CPEB3: variants seen among roughly 807,000 people sequenced by gnomAD.
The protein encoded by CPEB3 is cytoplasmic polyadenylation element binding protein 3, also known as cytoplasmic polyadenylation element-binding protein 3.
In CPEB3, 20 loss-of-function variants were observed where a neutral mutation model predicts 67.2. The observed-to-expected ratio is 0.30, with a 90% CI of 0.21 to 0.43. CPEB3 has a LOEUF of 0.43. CPEB3 is among the 20% of genes least tolerant of loss of function. The pLI is 1.00. For missense variants in CPEB3, 746 were observed against 968.6 expected (o/e 0.77, Z 3.05); for synonymous variants, 376 against 393.1 (o/e 0.96, Z 0.51).
Position 92,184,015 on chromosome 10 carries a change from G to A in CPEB3, c.1166-2996C>T, listed in dbSNP as rs150406825. On this transcript the variant is annotated intron_variant, in intron 3 of 9. Transcript: ENST00000265997. ...CTCCAGAAGTTAAACATACCTACAT[G>A]GATCCTTTTTGACCCTTTCCATAAG... is the stretch of plus-strand genomic sequence containing the variant. 3.3e-3 allele frequency among the ~76,000 whole-genome samples: 505 copies of A among 152,218 alleles called. 4 individuals are homozygous for A. Among genetic ancestry groups the A allele is most frequent in the African/African-American group, 0.011 (471 of 41,534 alleles).
At chr10:92,133,856 T>G (rs1278450704) in intron 6 of CPEB3, among the ~76,000 whole-genome samples, 1 of 152,144 alleles carries the variant, frequency 6.6e-6, no homozygotes, top group Non-Finnish European at 1.5e-5. Context: ...CAAAGCTGGT[T>G]CAACATTGCA....
intron 7 of CPEB3, among the ~76,000 whole-genome samples, chr10:92,098,770 CTT>C (rs984013045): frequency 1.4e-4 from 18 of 124,552 alleles, no homozygotes; most frequent in Admixed American, 4.8e-4. Context: ...TTCTTTTTTT[CTT>C]TTTTTTTTTT....
intron 6 of CPEB3, chr10:92,138,313 G>T: frequency 4.6e-6 from 1 of 218,086 alleles, no homozygotes; most frequent in South Asian, 8.0e-5. Context: ...TTAAGAAACT[G>T]AGACCTTATA....
In CPEB3 at chr10:92,071,606, G is replaced by A. The variant is rs1447367710; in HGVS notation, c.1869+9714C>T. Among the ~76,000 whole-genome samples, 4 of 151,814 alleles carry A rather than the reference G, an allele frequency of 2.6e-5. No homozygotes were observed. In the East Asian group the frequency reaches 7.7e-4, roughly 29 times the overall value. On this transcript the variant is annotated intron_variant, in intron 9 of 9. Coordinates refer to ENST00000265997, the MANE Select transcript of CPEB3 (RefSeq NM_014912.5). ...AAAAATTAGCTGGGCACGGTGGCAG[G>A]CGCCTGTAATCCCAGCTACTCGGGA...
At chr10:92,203,257 T>G (rs1186100168) in intron 2 of CPEB3, among the ~76,000 whole-genome samples, 5 of 150,686 alleles carry the variant, frequency 3.3e-5, no homozygotes, top group Non-Finnish European at 7.4e-5. Context: ...CTGTTATTTT[T>G]AAAAGGCATT....
chr10:92,192,406 A>G, intron 3 of CPEB3, 71 bp downstream of exon 3: 1 of 1,427,118 alleles, frequency 7.0e-7, no homozygotes, highest in Non-Finnish European at 9.6e-7. Context: ...AACCAGAAAA[A>G]TCAAAATTAT....
intron 8 of CPEB3, among the ~76,000 whole-genome samples, chr10:92,084,158 C>A (rs1397859360): frequency 1.6e-5 from 2 of 121,794 alleles, no homozygotes; most frequent in Non-Finnish European, 3.2e-5. Context: ...GAGCAAGACT[C>A]TGTCTCAAAA....
At chr10:92,152,845 T>A (rs1053068634) in intron 4 of CPEB3, among the ~76,000 whole-genome samples, 2 of 152,198 alleles carry the variant, frequency 1.3e-5, no homozygotes, top group African/African-American at 4.8e-5. Context: ...TCTCTCTCCC[T>A]ACAAGAGTGA....
intron 9 of CPEB3, among the ~76,000 whole-genome samples, chr10:92,062,897 C>T (rs1436987831): frequency 6.6e-6 from 1 of 152,186 alleles, no homozygotes; most frequent in Non-Finnish European, 1.5e-5. Context: ...TTCAAAGGGC[C>T]TTGCAGGCAA....
intron 1 of CPEB3, among the ~76,000 whole-genome samples, chr10:92,282,583 G>A (rs1003427397): frequency 5.3e-5 from 8 of 152,262 alleles, no homozygotes; most frequent in Admixed American, 3.3e-4. Flanking sequence ...AAACTCAGGA[G>A]GCTGAAGCAG....
chr10:92,152,080 C>T (rs1034361466), intron 4 of CPEB3, among the ~76,000 whole-genome samples: 7 of 152,210 alleles, frequency 4.6e-5, no homozygotes, highest in African/African-American at 1.7e-4. Flanking sequence ...TTACCAGGAG[C>T]TAATGTCCAG....
chr10:92,137,336 T>C, intron 6 of CPEB3: 1 of 857,878 alleles, frequency 1.2e-6, no homozygotes, highest in South Asian at 1.7e-5. Flanking sequence ...CCTGGCCATA[T>C]ATCTGATATG....
chr10:92,194,956 A>C (rs956252021), intron 2 of CPEB3, among the ~76,000 whole-genome samples: 1 of 151,616 alleles, frequency 6.6e-6, no homozygotes, highest in African/African-American at 2.4e-5. Flanking sequence ...AGGCAGGAGA[A>C]TGGCGTGAAC....
intron 2 of CPEB3, among the ~76,000 whole-genome samples, chr10:92,206,303 C>G (rs1348050309): frequency 2.0e-5 from 3 of 151,932 alleles, no homozygotes; most frequent in Non-Finnish European, 4.4e-5. Context: ...GAACTCCCAA[C>G]CTCTGGTGAT....
At chr10:92,132,446 A>G (rs1336667819) in intron 6 of CPEB3, among the ~76,000 whole-genome samples, 1 of 152,234 alleles carries the variant, frequency 6.6e-6, no homozygotes, top group East Asian at 1.9e-4. Flanking sequence ...CAACATGTGT[A>G]GTATTTTCTT....
rs1848129383 is a variant in CPEB3 at position 92,174,259 on chromosome 10, A to G, written c.1222+6704T>C. Reference sequence around the variant, plus strand: ...GCAGAGGATAAAAGGGAGGGGGAAGAGGAGGCTCTGCAGCCACACAGGGGT... The same window carrying G: ...GCAGAGGATAAAAGGGAGGGGGAAGGGGAGGCTCTGCAGCCACACAGGGGT... On this transcript the variant is annotated intron_variant, in intron 4 of 9. Transcript: ENST00000265997. Among the ~76,000 whole-genome samples the G allele has an allele frequency of 2.0e-5, 3 of 152,356 alleles. No individual in the cohort carries two copies. The South Asian group carries it at 6.2e-4, about 32-fold the overall frequency.
In CPEB3 at chr10:92,052,365, A is replaced by G. The variant is rs1841928665; in HGVS notation, c.1944T>C (p.Phe648=). 6.2e-7 allele frequency: 1 copy of G among 1,614,126 alleles called. No individual in the cohort carries two copies. Among genetic ancestry groups the G allele is most frequent in the South Asian group, 1.1e-5 (1 of 91,092 alleles). Residue 648 remains phenylalanine, a synonymous_variant, in exon 10 of 10, where the codon TTT becomes TTC. Transcript: ENST00000265997. The part of the protein sequence containing the change: ...ECQGTRCGGK[F]APFFCANVTC... ...TGACGTTGGCACAGAAGAACGGGGC[A>G]AACTTCCCACCACAGCGTGTGCCCT...
intron 1 of CPEB3, among the ~76,000 whole-genome samples, chr10:92,246,493 T>C (rs1378039907): frequency 6.6e-6 from 1 of 152,044 alleles, no homozygotes; most frequent in African/African-American, 2.4e-5. Flanking sequence ...TTTAAATTAT[T>C]TGAAATTAGG....
At chr10:92,253,780 T>C (rs539881854) in intron 1 of CPEB3, among the ~76,000 whole-genome samples, 13 of 152,102 alleles carry the variant, frequency 8.5e-5, no homozygotes, top group African/African-American at 2.4e-4. Flanking sequence ...CACAATATAT[T>C]TGTAAAGGTA....
Sources: allele counts gnomAD v4.1 joint callset (sites outside exome capture counted in the v4.1 genomes callset), GRCh38; gene constraint gnomAD v4.1.1; transcripts MANE v1.5; gene names NCBI Gene and HGNC (gene_info 2026-07-23, HGNC 2026-07-21).